The following ABCA8 variants were observed in gnomAD, a reference collection of about 807,000 sequenced individuals.
ABCA8 encodes ATP binding cassette subfamily A member 8, also known as ABC-type organic anion transporter ABCA8.
ABCA8 carries 177 observed loss-of-function variants against 192.3 expected under a neutral mutation model. The observed-to-expected ratio is 0.92, with a 90% confidence interval of 0.81 to 1.04. The LOEUF (loss-of-function observed/expected upper bound fraction) is 1.04. Ranked by LOEUF, ABCA8 falls within the 50% of genes least tolerant of loss-of-function variation. The probability of loss-of-function intolerance (pLI) is 0.00; values close to 1 mark genes in which losing one functional copy is unlikely to be tolerated. For missense variants in ABCA8, 1,915 were observed against 1,904.8 expected (o/e 1.01, Z -0.10); for synonymous variants, 642 against 690.2 (o/e 0.93, Z 1.09).
intron 21 of ABCA8, among the ~76,000 whole-genome samples, chr17:68,895,299 A>G (rs2066721030): frequency 6.6e-6 from 1 of 152,182 alleles, no homozygotes; most frequent in Admixed American, 6.5e-5. Flanking sequence ...AGCTTTAATG[A>G]TACTGATAAC....
intron 17 of ABCA8, among the ~76,000 whole-genome samples, chr17:68,913,500 A>G (rs901977576): frequency 7.9e-5 from 12 of 151,996 alleles, no homozygotes; most frequent in Non-Finnish European, 1.3e-4. Flanking sequence ...ACTAAAAAAA[A>G]GAAAAAAAAG....
chr17:68,934,388 T>A (rs1458889323), intron 5 of ABCA8, among the ~76,000 whole-genome samples: 1 of 152,206 alleles, frequency 6.6e-6, no homozygotes, highest in Non-Finnish European at 1.5e-5. Flanking sequence ...CTCTTATATG[T>A]TACAGTAATA....
rs148466160 is a variant in ABCA8, at chr17:68,919,463, G to T, written c.1626C>A (p.Ile542=). 1.4e-5 allele frequency: 23 copies of T among 1,613,318 alleles called. No homozygotes were observed. The highest frequency in any genetic ancestry group is 1.9e-5 in the Non-Finnish European group (23 of 1,179,664). The change falls in exon 14 of 40, where the codon ATC becomes ATA. Residue 542 remains isoleucine, a synonymous_variant. Transcript: ENST00000586539. ...LSVPTKGSVT[I]YNNKLSEMAD... ...CCATTTCTGAAAGCTTATTGTTATAGATGGTGACTGAACCTGTAACAAAGG... is the reference window on the plus strand; with the variant it reads ...CCATTTCTGAAAGCTTATTGTTATATATGGTGACTGAACCTGTAACAAAGG...
At chr17:68,917,059 G>T (rs1004417528) in intron 17 of ABCA8, among the ~76,000 whole-genome samples, 12 of 152,094 alleles carry the variant, frequency 7.9e-5, no homozygotes, top group African/African-American at 2.9e-4. Flanking sequence ...CACGAGGTCA[G>T]GAGATCGAGA....
chr17:68,908,965 A>C (rs962369900), intron 17 of ABCA8, among the ~76,000 whole-genome samples: 6 of 152,222 alleles, frequency 3.9e-5, no homozygotes, highest in Non-Finnish European at 7.3e-5. Flanking sequence ...TAAGTCAAAA[A>C]TTATTCCACT....
chr17:68,891,942 T>G (rs2066631473), intron 23 of ABCA8, among the ~76,000 whole-genome samples: 1 of 152,242 alleles, frequency 6.6e-6, no homozygotes, highest in Non-Finnish European at 1.5e-5. Flanking sequence ...GATCTTTATC[T>G]CAAATGTGAC....
intron 2 of ABCA8, among the ~76,000 whole-genome samples, chr17:68,943,821 G>T (rs930506548): frequency 6.6e-6 from 1 of 151,916 alleles, no homozygotes; most frequent in Non-Finnish European, 1.5e-5. Context: ...CAGGACCCCA[G>T]CACATTTGTC....
At chr17:68,919,505 A>G in intron 13 of ABCA8, 29 bp from the exon 14 acceptor site, 3 of 1,574,008 alleles carry the variant, frequency 1.9e-6, no homozygotes, top group Non-Finnish European at 2.6e-6. Flanking sequence ...TAATATCAAG[A>G]TAAGGCTTAA....
intron 2 of ABCA8, among the ~76,000 whole-genome samples, chr17:68,946,098 C>T (rs1051187926): frequency 5.3e-5 from 8 of 151,742 alleles, no homozygotes; most frequent in Non-Finnish European, 1.2e-4. Flanking sequence ...GATGGAGTCT[C>T]ACTGTGTGGC....
At chr17:68,907,280 C>T (rs2067094314) in intron 18 of ABCA8, among the ~76,000 whole-genome samples, 1 of 151,640 alleles carries the variant, frequency 6.6e-6, no homozygotes, top group Non-Finnish European at 1.5e-5. Flanking sequence ...TAATGTGGGC[C>T]CTTATAGTGC....
At chr17:68,882,791 G>A in intron 29 of ABCA8, 72 bp from the exon 30 acceptor site, 3 of 1,473,814 alleles carry the variant, frequency 2.0e-6, no homozygotes, top group Admixed American at 1.8e-5. Context: ...ATTATTTAAA[G>A]CATATGTTTG....
intron 1 of ABCA8, among the ~76,000 whole-genome samples, chr17:68,950,048 A>T (rs4968978): frequency 6.6e-6 from 1 of 151,858 alleles, no homozygotes; most frequent in Non-Finnish European, 1.5e-5. Flanking sequence ...AAAACCCCAT[A>T]GTCTCAGCCC....
chr17:68,887,114 C>T lies in ABCA8; in HGVS notation c.3332G>A (p.Gly1111Asp). ...IHIIQIPCAV[G>D]YSFSLIFMTY... ...CATGAAGATGAGGGAAAAGGAATAA[C>T]CAACAGCACATGGGATCTAAAATCA... Residue 1111 changes from glycine to aspartate, a missense_variant, in exon 26 of 40, where the codon GGT (glycine) becomes GAT (aspartate). Physicochemically the swap from Gly to Asp is moderately conservative, Grantham distance 94. Coordinates refer to ENST00000586539, the MANE Select transcript of ABCA8 (RefSeq NM_001288985.2). 2 of 1,607,608 alleles carry T rather than the reference C, an allele frequency of 1.2e-6. No individual in the cohort carries two copies. The highest frequency in any genetic ancestry group is 1.7e-6 in the Non-Finnish European group (2 of 1,176,550).
intron 23 of ABCA8, among the ~76,000 whole-genome samples, chr17:68,893,187 T>C (rs1279470841): frequency 1.3e-5 from 2 of 152,164 alleles, no homozygotes; most frequent in Non-Finnish European, 2.9e-5. Context: ...ATGTTACAGG[T>C]TTTTTCCTAC....
intron 16 of ABCA8, 133 bp from the exon 17 acceptor site, chr17:68,917,584 T>C: frequency 1.7e-6 from 1 of 595,494 alleles, no homozygotes; most frequent in Admixed American, 3.0e-5. Context: ...CAGGACTCGA[T>C]AAGGACTCAA....
Position 68,949,426 on chromosome 17 carries a change from C to T in ABCA8, c.-120G>A, listed in dbSNP as rs985279794. 7 of 152,166 alleles carry T rather than the reference C, an allele frequency of 4.6e-5. No homozygotes were observed. Among genetic ancestry groups the T allele is most frequent in the Middle Eastern group, 3.2e-3 (1 of 316 alleles). 9.4% of individuals were successfully genotyped at this position (152,166 alleles called of 1,614,324 possible). A position where few individuals can be genotyped will look rare whatever the true frequency, so the allele number is the denominator to read the frequency against. ...TCCAAACAGTCGAAAAAGAGGGACT[C>T]CTCTCTAACTCACATTATGAGGCCA... On this transcript the variant is annotated 5_prime_UTR_variant, in exon 2 of 40. Coordinates refer to ENST00000586539, the MANE Select transcript of ABCA8 (RefSeq NM_001288985.2).
intron 37 of ABCA8, among the ~76,000 whole-genome samples, chr17:68,873,487 C>T (rs1429956230): frequency 6.6e-6 from 1 of 152,178 alleles, no homozygotes; most frequent in East Asian, 1.9e-4. Context: ...AATAATCCTC[C>T]CATTCCATAG....
At chr17:68,950,340 A>G (rs958555405) in intron 1 of ABCA8, among the ~76,000 whole-genome samples, 2 of 152,180 alleles carry the variant, frequency 1.3e-5, no homozygotes, top group African/African-American at 4.8e-5. Context: ...GAAAAAAACT[A>G]CTTTAAATTT....
At chr17:68,888,237 G>A (rs554342959) in intron 24 of ABCA8, among the ~76,000 whole-genome samples, 16 of 151,604 alleles carry the variant, frequency 1.1e-4, no homozygotes, top group South Asian at 2.1e-4. Context: ...ATTTACAAAT[G>A]TAAATGTATT....
Sources: gnomAD v4.1 joint callset for allele counts (sites outside exome capture counted in the v4.1 genomes callset) on GRCh38, gnomAD v4.1.1 for gene constraint, MANE v1.5 for transcripts, NCBI Gene and HGNC (gene_info 2026-07-23, HGNC 2026-07-21) for gene names.